The following SNED1 variants were observed in gnomAD, a reference collection of about 807,000 sequenced individuals.
SNED1 encodes the protein sushi, nidogen and EGF-like domain-containing protein 1.
In SNED1, 81 loss-of-function variants were observed where a neutral mutation model predicts 166.7. The observed-to-expected ratio is 0.49, with a 90% confidence interval of 0.41 to 0.58. SNED1 has a LOEUF of 0.58. Ranked by LOEUF, SNED1 falls within the 20% of genes least tolerant of loss-of-function variation. The pLI, the probability that SNED1 is intolerant of heterozygous loss-of-function variation, is 0.00. For synonymous variants in SNED1, 762 were observed against 822.0 expected (o/e 0.93, Z 1.25); for missense variants, 1,604 against 2,000.2 (o/e 0.80, Z 3.78).
chr2:241,050,006 C>T, intron 12 of SNED1, 73 bp downstream of exon 12: 1 of 1,074,426 alleles, frequency 9.3e-7, no homozygotes, highest in Non-Finnish European at 1.4e-6. Context: ...TCCTGCTTCT[C>T]TGCTGTCTCT....
intron 7 of SNED1, 32 bp from the exon 8 acceptor site, chr2:241,040,268 C>T: frequency 6.3e-7 from 1 of 1,575,138 alleles, no homozygotes; most frequent in Non-Finnish European, 8.6e-7. Flanking sequence ...TGGCCTGGCT[C>T]AAGCCAAGCC....
At chr2:241,046,011 C>T (rs1228834530) in intron 8 of SNED1, among the ~76,000 whole-genome samples, 1 of 152,130 alleles carries the variant, frequency 6.6e-6, no homozygotes, top group African/African-American at 2.4e-5. Context: ...TGAACGGATA[C>T]TTGGCCACAA....
chr2:241,013,083 C>T lies in SNED1; in HGVS notation c.213+14033C>T, dbSNP rs562733124. On this transcript the variant is annotated intron_variant, in intron 1 of 31. Coordinates refer to ENST00000310397, the MANE Select transcript of SNED1 (RefSeq NM_001080437.3). This position sits in a 1 kb window ranked among gnomAD's most constrained non-coding sequence, Gnocchi z 4.6. The stretch of plus-strand genomic sequence containing the variant: ...TCTCCTGACCTCGTGATCCGCCTGT[C>T]TCAGCCTCCCAAAGTGATGGGATTA... Among the ~76,000 whole-genome samples the T allele has an allele frequency of 7.9e-5, 12 of 152,266 alleles. No individual in the cohort carries two copies. Among genetic ancestry groups the T allele is most frequent in the South Asian group, 2.1e-4 (1 of 4,814 alleles).
Position 241,040,100 on chromosome 2 carries a change from G to C in SNED1, c.1071G>C (p.Glu357Asp), listed in dbSNP as rs2061483732. Residue 357 changes from glutamate to aspartate, a missense_variant, in exon 7 of 32, where the codon GAG (glutamate) becomes GAC (aspartate). Glu to Asp is a conservative substitution (Grantham distance 45). This residue lies in a region of SNED1 where 1,237 missense variants were observed against 1,620.8 expected (regional missense o/e 0.76). Transcript: ENST00000310397. ...CCCAATCCCCCTGTGACACCAAAGA[G>C]TGTCAACATGGTGGCCAGTGCCAGG... ...ETAQSPCDTK[E>D]CQHGGQCQVE... 3 of 1,594,316 alleles carry C rather than the reference G, an allele frequency of 1.9e-6. No homozygotes were observed. Among genetic ancestry groups the C allele is most frequent in the South Asian group, 1.1e-5 (1 of 87,510 alleles).
rs556457048 is a variant in SNED1 at position 241,062,816 on chromosome 2, G to A, written c.2283G>A (p.Pro761=). ...CLEIDECRSQ[P]CLHGGSCQDR... Reference sequence around the variant, plus strand: ...AAATCGATGAGTGCCGGTCTCAGCCGTGCCTGCATGGGGGCTCTTGTCAGG... The same window carrying A: ...AAATCGATGAGTGCCGGTCTCAGCCATGCCTGCATGGGGGCTCTTGTCAGG... Residue 761 remains proline (P), a synonymous_variant, in exon 17 of 32, where the codon CCG becomes CCA. Transcript: ENST00000310397. 51 of 1,611,422 alleles carry A rather than the reference G, an allele frequency of 3.2e-5. No homozygotes were observed. The Middle Eastern group carries it at 5.0e-4, about 16-fold the overall frequency.
At chr2:241,009,689 G>A (rs567562428) in intron 1 of SNED1, among the ~76,000 whole-genome samples, 23 of 152,248 alleles carry the variant, frequency 1.5e-4, no homozygotes, top group Non-Finnish European at 2.6e-4. Context: ...GTCCGGGGGC[G>A]CTGAATGCAG....
At chr2:241,019,402 C>T (rs1444837014) in intron 1 of SNED1, among the ~76,000 whole-genome samples, 1 of 152,184 alleles carries the variant, frequency 6.6e-6, no homozygotes, top group Non-Finnish European at 1.5e-5. Flanking sequence ...AAGTCAAAAG[C>T]GCTCAGCGGT....
intron 1 of SNED1, among the ~76,000 whole-genome samples, chr2:241,023,888 C>CTTTTTTTTTTTTTTTTTTTTTTTTTTT (rs34234341): frequency 2.8e-4 from 26 of 92,004 alleles, no homozygotes; most frequent in East Asian, 7.2e-4. Context: ...TTTTTTTTTC[C>CTTTTTTTTTTTTTTTTTTTTTTTTTTT]TTTTTTTTTT....
At position 241,075,590 on chromosome 2, in the gene SNED1, T is replaced by C. The variant is rs1329295369; in HGVS notation, c.3916+2226T>C. On this transcript the variant is annotated intron_variant, in intron 27 of 31. Coordinates refer to ENST00000310397, the MANE Select transcript of SNED1 (RefSeq NM_001080437.3). The surrounding 1 kb of genome is among the most constrained non-coding windows in gnomAD (Gnocchi z 4.8). ...TTTTATTCATTTGTCAAAATTCTTA[T>C]ATGTTTTGATACTGATCCTTTGTCA... The C allele has an allele frequency of 6.6e-6, 1 of 152,206 alleles. No individual in the cohort carries two copies. 9.4% of individuals were successfully genotyped at this position (152,206 alleles called of 1,614,324 possible).
intron 6 of SNED1, among the ~76,000 whole-genome samples, chr2:241,039,499 G>A (rs1294587711): frequency 1.3e-5 from 2 of 152,160 alleles, no homozygotes; most frequent in Non-Finnish European, 2.9e-5. Flanking sequence ...TGTGGGCCAG[G>A]TGCTCTGGAC....
At chr2:241,027,731 C>CTTTTTT (rs1293401106) in intron 1 of SNED1, among the ~76,000 whole-genome samples, 2 of 137,288 alleles carry the variant, frequency 1.5e-5, no homozygotes. Flanking sequence ...TTATTTTCTT[C>CTTTTTT]TGTTTTTTTT....
intron 29 of SNED1, among the ~76,000 whole-genome samples, chr2:241,084,388 A>C (rs1042622288): frequency 2.6e-5 from 4 of 152,136 alleles, no homozygotes; most frequent in Non-Finnish European, 5.9e-5. Flanking sequence ...TCATGACCTC[A>C]GGTGATCCAC....
At chr2:241,007,116 G>A (rs10933527) in intron 1 of SNED1, among the ~76,000 whole-genome samples, 13,605 of 152,266 alleles carry the variant, frequency 0.089, 1,426 homozygotes, top group East Asian at 0.32. Context: ...CTTTGCATCA[G>A]TGTTAAATTT....
intron 1 of SNED1, among the ~76,000 whole-genome samples, chr2:241,009,561 TG>T (rs1182093646): frequency 2.6e-5 from 4 of 152,080 alleles, no homozygotes; most frequent in Admixed American, 2.6e-4. Flanking sequence ...GCACGGGGGC[TG>T]GGGGCATGGC....
chr2:241,071,494 G>C (rs1274104731), intron 24 of SNED1, 82 bp from the exon 25 acceptor site: 1 of 1,484,916 alleles, frequency 6.7e-7, no homozygotes, highest in East Asian at 2.5e-5. Context: ...CTGAGTGTGA[G>C]GGGCACCACC....
Position 241,052,756 on chromosome 2 carries a change from G to C in SNED1, c.2083+288G>C, listed in dbSNP as rs866511669. ...GCCAGGCAGGTGAGAGGGCCGGGGGGCCAAGCAGGGTACATGGGATGCTGG... is the reference window on the plus strand; with the variant it reads ...GCCAGGCAGGTGAGAGGGCCGGGGGCCCAAGCAGGGTACATGGGATGCTGG... On this transcript the variant is annotated intron_variant, in intron 15 of 31. Coordinates refer to ENST00000310397, the MANE Select transcript of SNED1 (RefSeq NM_001080437.3). 8.1e-3 allele frequency among the ~76,000 whole-genome samples: 524 copies of C among 64,352 alleles called. 7 individuals are homozygous for C. Among genetic ancestry groups the C allele is most frequent in the East Asian group, 0.018 (45 of 2,514 alleles). 42.2% of individuals were successfully genotyped at this position (64,352 alleles called of 152,430 possible).
chr2:241,012,034 G>A (rs10933528), intron 1 of SNED1, among the ~76,000 whole-genome samples: 72,505 of 152,148 alleles, frequency 0.48, 20,448 homozygotes, highest in African/African-American at 0.77. Flanking sequence ...TCTGCACACC[G>A]CACACCTGCA....
chr2:241,031,511 G>A (rs865888769), intron 2 of SNED1, among the ~76,000 whole-genome samples: 3 of 152,208 alleles, frequency 2.0e-5, no homozygotes, highest in African/African-American at 4.8e-5. Context: ...CAGACAAGAC[G>A]CATCTGCCCC....
chr2:241,024,341 G>C (rs2060877559), intron 1 of SNED1, among the ~76,000 whole-genome samples: 1 of 138,736 alleles, frequency 7.2e-6, no homozygotes, highest in South Asian at 2.4e-4. Flanking sequence ...CACCTCCCAG[G>C]TTCAAGCAAT....
Sources: allele counts gnomAD v4.1 joint callset (sites outside exome capture counted in the v4.1 genomes callset), GRCh38; gene constraint gnomAD v4.1.1; regional missense constraint gnomAD v4.1.1; non-coding constraint Gnocchi (gnomAD v3.1); transcripts MANE v1.5; gene names NCBI Gene and HGNC (gene_info 2026-07-23, HGNC 2026-07-21).